The following CHMP2B variants were observed in gnomAD, a reference collection of about 807,000 sequenced individuals.
The protein encoded by CHMP2B is charged multivesicular body protein 2B.
In CHMP2B, 22 loss-of-function variants were observed where a neutral mutation model predicts 29.8. That is an observed-to-expected ratio of 0.74 (90% CI 0.53 to 1.05). The LOEUF is 1.05. Ranked by LOEUF, CHMP2B falls within the 50% of genes least tolerant of loss-of-function variation. CHMP2B has a pLI of 0.00. For synonymous variants in CHMP2B, 78 were observed against 75.8 expected (o/e 1.03, Z -0.15); for missense variants, 261 against 252.2 (o/e 1.03, Z -0.24).
chr3:87,253,737 GA>G lies in CHMP2B; in HGVS notation c.559del (p.Ser187AlafsTer24). 1 of 1,612,362 alleles carries G rather than the reference GA, an allele frequency of 6.2e-7. No homozygotes were observed. The highest frequency in any genetic ancestry group is 8.5e-7 in the Non-Finnish European group (1 of 1,178,790). On this transcript the variant is annotated frameshift_variant, in exon 6 of 6. Transcript: ENST00000263780. LOFTEE classifies it high-confidence loss of function. ...ATGGCCAAAGCTCCATCAGCTGCTC[GA>G]AGCTTACCATCTGCCTCTACTTCAA... ...GKMAKAPSAA[R>X]SLPSASTSKA...
At chr3:87,235,802 C>T (rs1559605973) in intron 1 of CHMP2B, among the ~76,000 whole-genome samples, 1 of 152,098 alleles carries the variant, frequency 6.6e-6, no homozygotes, top group East Asian at 1.9e-4. Flanking sequence ...GAAAGACAGT[C>T]CCACAAGACT....
chr3:87,235,801 T>C lies in CHMP2B; in HGVS notation c.35-4898T>C, dbSNP rs182012738. Among the ~76,000 whole-genome samples the C allele has an allele frequency of 2.0e-5, 3 of 152,270 alleles. No individual in the cohort carries two copies. In the East Asian group the frequency reaches 5.8e-4, roughly 29 times the overall value. On this transcript the variant is annotated intron_variant, in intron 1 of 5. Coordinates refer to ENST00000263780, the MANE Select transcript of CHMP2B (RefSeq NM_014043.4). ...GGCAGACCCTATAGGTGAAAGACAGTCCCACAAGACTGCCCTACTTCAGAT... is the reference window on the plus strand; with the variant it reads ...GGCAGACCCTATAGGTGAAAGACAGCCCCACAAGACTGCCCTACTTCAGAT...
intron 3 of CHMP2B, among the ~76,000 whole-genome samples, chr3:87,249,628 C>G (rs1214338447): frequency 6.6e-6 from 1 of 151,948 alleles, no homozygotes; most frequent in African/African-American, 2.4e-5. Flanking sequence ...TTTTTTATTA[C>G]ATAATTCCTT....
In CHMP2B at chr3:87,245,741, A is replaced by G; in HGVS notation, c.154A>G (p.Ile52Val). The change falls in exon 3 of 6, where the codon ATT (isoleucine) becomes GTT (valine). Residue 52 changes from isoleucine (I) to valine (V), a missense_variant. Physicochemically the swap from Ile to Val is conservative, Grantham distance 29 (BLOSUM62 3). Coordinates refer to ENST00000263780, the MANE Select transcript of CHMP2B (RefSeq NM_014043.4). ...LELEIKKMAKIGNKEACKVLA... is the reference protein window; with the variant it reads ...LELEIKKMAKVGNKEACKVLA... ...ATTAGAAATTAAGAAAATGGCCAAG[A>G]TTGGTAATAAGGAAGCTTGCAAAGT... 1 of 1,613,614 alleles carries G rather than the reference A, an allele frequency of 6.2e-7. No individual in the cohort carries two copies. The highest frequency in any genetic ancestry group is 8.5e-7 in the Non-Finnish European group (1 of 1,179,800).
At position 87,254,803 on chromosome 3, in the gene CHMP2B, C is replaced by A. The variant is rs1370564435; in HGVS notation, c.*981C>A. ...ATTTTGTTTAATGTGTATATTGAAT[C>A]TTCCAAATTGAAGCCATTATTCTCA... On this transcript the variant is annotated 3_prime_UTR_variant, in exon 6 of 6. Transcript: ENST00000263780. The A allele has an allele frequency of 1.3e-5, 2 of 151,842 alleles. No individual in the cohort carries two copies. The highest frequency in any genetic ancestry group is 6.6e-5 in the Admixed American group (1 of 15,238). 9.4% of individuals were successfully genotyped at this position (151,842 alleles called of 1,614,324 possible). A position where few individuals can be genotyped will look rare whatever the true frequency, so the allele number is the denominator to read the frequency against.
At chr3:87,233,351 A>G (rs1441114089) in intron 1 of CHMP2B, among the ~76,000 whole-genome samples, 1 of 152,152 alleles carries the variant, frequency 6.6e-6, no homozygotes, top group Non-Finnish European at 1.5e-5. Flanking sequence ...TTCCTTCTGC[A>G]TTTGAGTAAA....
Position 87,254,137 on chromosome 3 carries a change from C to T in CHMP2B, c.*315C>T, listed in dbSNP as rs1346194550. The T allele has an allele frequency of 3.9e-6, 1 of 254,610 alleles. No individual in the cohort carries two copies. Among genetic ancestry groups the T allele is most frequent in the Non-Finnish European group, 7.7e-6 (1 of 129,132 alleles). The allele number at this position is 254,610 out of a possible 1,614,324, so 15.8% of individuals were successfully genotyped here. On this transcript the variant is annotated 3_prime_UTR_variant, in exon 6 of 6. Coordinates refer to ENST00000263780, the MANE Select transcript of CHMP2B (RefSeq NM_014043.4). ...GTCAGTTTATGTTCTAAATCTTTTT[C>T]ACTGAATATAAAAATCTTGTTAAAT...
chr3:87,246,428 C>T (rs1316930336), intron 3 of CHMP2B, among the ~76,000 whole-genome samples: 3 of 152,100 alleles, frequency 2.0e-5, no homozygotes, highest in Admixed American at 6.5e-5. Flanking sequence ...TGAGCCACCG[C>T]GCCCAGCCAA....
At chr3:87,228,814 A>G (rs909661331) in intron 1 of CHMP2B, among the ~76,000 whole-genome samples, 4 of 151,932 alleles carry the variant, frequency 2.6e-5, no homozygotes, top group Non-Finnish European at 5.9e-5. Context: ...GTGATGTGAA[A>G]TGGATTTTAT....
chr3:87,230,168 C>T (rs1488362), intron 1 of CHMP2B, among the ~76,000 whole-genome samples: 1 of 151,864 alleles, frequency 6.6e-6, no homozygotes, highest in Non-Finnish European at 1.5e-5. Flanking sequence ...AATCAGGATC[C>T]CACTAGGACT....
At chr3:87,245,016 A>G (rs419056) in intron 2 of CHMP2B, among the ~76,000 whole-genome samples, 2 of 152,204 alleles carry the variant, frequency 1.3e-5, no homozygotes, top group Admixed American at 1.3e-4. Flanking sequence ...AGGTACATAC[A>G]CATTGAAGAT....
chr3:87,227,682 CCGCCCT>C, intron 1 of CHMP2B, 126 bp downstream of exon 1: 1 of 1,243,986 alleles, frequency 8.0e-7, no homozygotes, highest in Non-Finnish European at 1.2e-6. Flanking sequence ...CCACAGGTGA[CCGCCCT>C]CGCGGCACCA....
Position 87,253,928 on chromosome 3 carries a change from ATG to A in CHMP2B, c.*107_*108del, listed in dbSNP as rs1475188786. On this transcript the variant is annotated 3_prime_UTR_variant, in exon 6 of 6. Coordinates refer to ENST00000263780, the MANE Select transcript of CHMP2B (RefSeq NM_014043.4). Reference sequence around the variant, plus strand: ...CATGTATTTTGCAAAAAAAAAAAAAATGAAGACCATGAGTGAACAGTTGTTTC... The same window carrying A: ...CATGTATTTTGCAAAAAAAAAAAAAAAAGACCATGAGTGAACAGTTGTTTC... 2.7e-5 allele frequency: 20 copies of A among 736,254 alleles called. No homozygotes were observed. Among genetic ancestry groups the A allele is most frequent in the Admixed American group, 9.6e-5 (4 of 41,782 alleles). 45.6% of individuals were successfully genotyped at this position (736,254 alleles called of 1,614,324 possible).
At chr3:87,242,818 C>T (rs1706143360) in intron 2 of CHMP2B, among the ~76,000 whole-genome samples, 1 of 152,104 alleles carries the variant, frequency 6.6e-6, no homozygotes, top group South Asian at 2.1e-4. Flanking sequence ...GCTAATACCG[C>T]ATTATTTTTG....
In CHMP2B at chr3:87,227,448, T is replaced by C; in HGVS notation, c.-75T>C. The C allele has an allele frequency of 6.3e-7, 1 of 1,580,100 alleles. No homozygotes were observed. The highest frequency in any genetic ancestry group is 8.7e-7 in the Non-Finnish European group (1 of 1,149,252). On this transcript the variant is annotated 5_prime_UTR_variant, in exon 1 of 6. Transcript: ENST00000263780. ...CCACCCCGAACCCGCCAAGGTCCTG[T>C]CCTTTTCCTCCTGTCCTTTGCCAGC...
intron 1 of CHMP2B, among the ~76,000 whole-genome samples, chr3:87,231,043 C>G (rs1487560483): frequency 6.6e-6 from 1 of 150,980 alleles, no homozygotes; most frequent in Non-Finnish European, 1.5e-5. Flanking sequence ...TGTTAGTGTT[C>G]TTCTTGGTTC....
intron 1 of CHMP2B, chr3:87,240,491 G>T (rs924715762): frequency 2.3e-6 from 1 of 432,176 alleles, no homozygotes; most frequent in South Asian, 2.2e-5. Flanking sequence ...TCTATTTTTA[G>T]TAGAGATGGG....
chr3:87,254,125 C>T lies in CHMP2B; in HGVS notation c.*303C>T. ...TCCTTACTTCATGTCAGTTTATGTT[C>T]TAAATCTTTTTCACTGAATATAAAA... On this transcript the variant is annotated 3_prime_UTR_variant, in exon 6 of 6. Transcript: ENST00000263780. The T allele has an allele frequency of 3.7e-6, 1 of 267,640 alleles. No homozygotes were observed. The highest frequency in any genetic ancestry group is 4.4e-5 in the South Asian group (1 of 22,646). 16.6% of individuals were successfully genotyped at this position (267,640 alleles called of 1,614,324 possible).
intron 4 of CHMP2B, among the ~76,000 whole-genome samples, chr3:87,251,324 CTG>C (rs1477148204): frequency 6.6e-6 from 1 of 151,810 alleles, no homozygotes; most frequent in African/African-American, 2.4e-5. Flanking sequence ...TTTTTAATGA[CTG>C]AGAGAATTGT....
Sources: gnomAD v4.1 joint callset for allele counts (sites outside exome capture counted in the v4.1 genomes callset) on GRCh38, gnomAD v4.1.1 for gene constraint, MANE v1.5 for transcripts, NCBI Gene and HGNC (gene_info 2026-07-23, HGNC 2026-07-21) for gene names.